Variants in DOK7 observed in about 807,000 individuals in gnomAD.
DOK7 encodes docking protein 7, also known as protein Dok-7.
A neutral mutation model predicts 30.7 loss-of-function variants in DOK7; 32 were observed. That is an observed-to-expected ratio of 1.04 (90% CI 0.79 to 1.40). DOK7 has a LOEUF of 1.40. DOK7 is among the 40% of genes most tolerant of loss of function. The probability of loss-of-function intolerance (pLI) is 0.00; values close to 1 mark genes in which losing one functional copy is unlikely to be tolerated. For synonymous variants in DOK7, 447 were observed against 324.1 expected (o/e 1.38, Z -4.07); for missense variants, 1,007 against 699.2 (o/e 1.44, Z -4.97).
downstream of DOK7, among the ~76,000 whole-genome samples, chr4:3,494,839 G>GC (rs1014676085): frequency 5.9e-5 from 9 of 152,172 alleles, no homozygotes; most frequent in Non-Finnish European, 8.8e-5. Context: ...CAGGGCCCCT[G>GC]CCCTGCCTGT....
intron 4 of DOK7, among the ~76,000 whole-genome samples, chr4:3,483,599 C>T (rs953019405): frequency 6.6e-5 from 10 of 152,202 alleles, no homozygotes; most frequent in Admixed American, 4.6e-4. Context: ...GGGTGAGTGA[C>T]GCTCCGCAGA....
Position 3,492,852 on chromosome 4 carries a change from CG to C in DOK7, c.867del (p.Ser290ArgfsTer166). 1 of 1,610,990 alleles carries C rather than the reference CG, an allele frequency of 6.2e-7. No individual in the cohort carries two copies. Among genetic ancestry groups the C allele is most frequent in the Non-Finnish European group, 8.5e-7 (1 of 1,179,424 alleles). On this transcript the variant is annotated frameshift_variant, in exon 7 of 7. Transcript: ENST00000340083. LOFTEE classifies it low-confidence loss of function (END_TRUNC). ...CTCACCGCATGGCCAGAGCAATCCT[CG>C]TCGTCAGCCAGCACGTCACAGGAGG... The part of the protein sequence containing the change: ...SRLTAWPEQS[S>X]SSASTSQEGP...
chr4:3,463,386 C>A lies in DOK7; in HGVS notation c.11C>A (p.Ala4Glu). 7.2e-7 allele frequency: 1 copy of A among 1,385,314 alleles called. No individual in the cohort carries two copies. The highest frequency in any genetic ancestry group is 9.3e-7 in the Non-Finnish European group (1 of 1,072,376). 85.8% of individuals were successfully genotyped at this position (1,385,314 alleles called of 1,614,324 possible). ...GAACCATGACAGAAGATGACCGAGG[C>A]GGCGCTGGTGGAGGGCCAGGTCAAG... The part of the protein sequence containing the change: MTE[A>E]ALVEGQVKLR... The change falls in exon 1 of 7, where the codon GCG becomes GAG. Residue 4 changes from alanine to glutamate, a missense_variant. Transcript: ENST00000340083.
downstream of DOK7, chr4:3,494,545 C>T: frequency 1.0e-6 from 1 of 983,084 alleles, no homozygotes; most frequent in Non-Finnish European, 1.2e-6. Context: ...CACGTGGGGC[C>T]TCTGCCTGGA....
downstream of DOK7, among the ~76,000 whole-genome samples, chr4:3,498,656 C>T (rs888294463): frequency 2.0e-5 from 3 of 152,206 alleles, no homozygotes; most frequent in Admixed American, 6.5e-5. Context: ...GCCCCTCAGC[C>T]ATGCCCCCTC....
chr4:3,501,030 G>T (rs769198709), exon 8 of DOK7: 172 of 790,758 alleles, frequency 2.2e-4, no homozygotes, highest in Middle Eastern at 1.1e-3. Flanking sequence ...GGTGTCCGGG[G>T]CTGACCCTTC....
rs1374000214 is a variant in DOK7, at chr4:3,500,286, C to T, written c.1144C>T (p.Pro382Ser). 6 of 1,535,850 alleles carry T rather than the reference C, an allele frequency of 3.9e-6. No individual in the cohort carries two copies. In the African/African-American group the frequency reaches 5.5e-5, roughly 14 times the overall value. ...ACCCGTGGCTGTGGACAGCCCAGGA[C>T]CAGAGAGGCCGCGCGGCGAGTCGCC... The change falls in exon 7 of 8, where the codon CCA (proline) becomes TCA (serine). Residue 382 changes from proline to serine, a missense_variant. Pro to Ser is a moderately conservative substitution (Grantham distance 74). Coordinates refer to the DOK7 transcript ENST00000643608.
chr4:3,496,716 CTG>C (rs1728930554), downstream of DOK7: 2 of 1,319,238 alleles, frequency 1.5e-6, no homozygotes, highest in African/African-American at 1.5e-5. Context: ...GTCCCCCAGC[CTG>C]TGTCACTCTT....
chr4:3,494,603 C>A (rs571506245), downstream of DOK7: 3 of 849,956 alleles, frequency 3.5e-6, no homozygotes, highest in East Asian at 1.2e-4. Context: ...TCAGAGAGTG[C>A]GAGAGGCCTC....
chr4:3,478,798 T>C (rs1366113357), intron 4 of DOK7, among the ~76,000 whole-genome samples: 3 of 152,058 alleles, frequency 2.0e-5, no homozygotes, highest in Non-Finnish European at 4.4e-5. Flanking sequence ...CTGGGCTGTA[T>C]CCTCCTGGAG....
At chr4:3,499,896 G>C (rs1383193551) in intron 6 of DOK7, among the ~76,000 whole-genome samples, 1 of 151,048 alleles carries the variant, frequency 6.6e-6, no homozygotes, top group Non-Finnish European at 1.5e-5. Context: ...GCGGTTGGTG[G>C]AGAGAGTTGG....
intron 2 of DOK7, among the ~76,000 whole-genome samples, chr4:3,471,611 T>G (rs1194066375): frequency 6.6e-6 from 1 of 152,264 alleles, no homozygotes; most frequent in Non-Finnish European, 1.5e-5. Context: ...GTGTTCATGC[T>G]GTTCCCACAC....
At chr4:3,487,345 G>A (rs1727876105) in intron 5 of DOK7, among the ~76,000 whole-genome samples, 1 of 152,252 alleles carries the variant, frequency 6.6e-6, no homozygotes. Flanking sequence ...GCCTGTGCTG[G>A]CAGCACACTG....
chr4:3,496,082 G>C (rs561446207), downstream of DOK7, among the ~76,000 whole-genome samples: 15 of 152,332 alleles, frequency 9.8e-5, no homozygotes, highest in Non-Finnish European at 1.8e-4. Flanking sequence ...ACCCATGTGG[G>C]ACATTGTCTT....
chr4:3,489,405 G>C (rs912143968), intron 5 of DOK7, among the ~76,000 whole-genome samples: 2 of 152,202 alleles, frequency 1.3e-5, no homozygotes, highest in South Asian at 2.1e-4. Context: ...GGAGGGGTCT[G>C]GCCGGCGTGG....
At chr4:3,469,039 AGT>A (rs1383312699) in intron 2 of DOK7, among the ~76,000 whole-genome samples, 49 of 114,090 alleles carry the variant, frequency 4.3e-4, no homozygotes, top group African/African-American at 1.7e-3. Flanking sequence ...TATGTGTATG[AGT>A]GTGCATGTCT....
downstream of DOK7, among the ~76,000 whole-genome samples, chr4:3,497,100 T>C (rs898394564): frequency 6.7e-6 from 1 of 148,314 alleles, no homozygotes; most frequent in Non-Finnish European, 1.5e-5. Flanking sequence ...GCAGTGGGGG[T>C]GAGTCCCAGC....
intron 2 of DOK7, among the ~76,000 whole-genome samples, chr4:3,466,238 G>A (rs1726253907): frequency 6.6e-6 from 1 of 152,070 alleles, no homozygotes; most frequent in Non-Finnish European, 1.5e-5. Flanking sequence ...TTCCGCGCCT[G>A]CCCCCGGGCT....
At position 3,493,905 on chromosome 4, in the gene DOK7, T is replaced by C; in HGVS notation, c.*404T>C. ...CGCCCCCTTCGGGGGTGGCCGGTTCTCCCCATCACCTCTCTGGGGCAGTCA... is the reference window on the plus strand; with the variant it reads ...CGCCCCCTTCGGGGGTGGCCGGTTCCCCCCATCACCTCTCTGGGGCAGTCA... On this transcript the variant is annotated 3_prime_UTR_variant, in exon 7 of 7. Coordinates refer to ENST00000340083, the MANE Select transcript of DOK7 (RefSeq NM_173660.5). 3 of 1,057,476 alleles carry C rather than the reference T, an allele frequency of 2.8e-6. No homozygotes were observed. The highest frequency in any genetic ancestry group is 3.4e-6 in the Non-Finnish European group (3 of 876,890). 65.5% of individuals were successfully genotyped at this position (1,057,476 alleles called of 1,614,324 possible). A position where few individuals can be genotyped will look rare whatever the true frequency, so the allele number is the denominator to read the frequency against.
Sources: gnomAD v4.1 joint callset for allele counts (sites outside exome capture counted in the v4.1 genomes callset) on GRCh38, gnomAD v4.1.1 for gene constraint, MANE v1.5 for transcripts, NCBI Gene and HGNC (gene_info 2026-07-23, HGNC 2026-07-21) for gene names.